Variants in FGD6 observed in about 807,000 individuals in gnomAD.
FGD6 encodes the protein FYVE, RhoGEF and PH domain-containing protein 6.
A neutral mutation model predicts 149.4 loss-of-function variants in FGD6; 90 were observed. The observed-to-expected ratio is 0.60, with a 90% CI of 0.51 to 0.72. The LOEUF is 0.72. Among genes scored for constraint, FGD6 ranks in the 30% least tolerant of loss-of-function variants. The probability of loss-of-function intolerance (pLI) is 0.00; values close to 1 mark genes in which losing one functional copy is unlikely to be tolerated. For missense variants in FGD6, 1,437 were observed against 1,684.8 expected, an observed-to-expected ratio of 0.85 and a Z score of 2.57; for synonymous variants, 527 against 584.0, an observed-to-expected ratio of 0.90 and a Z score of 1.41.
At chr12:95,199,632 T>G (rs1881818983) in intron 2 of FGD6, among the ~76,000 whole-genome samples, 1 of 150,922 alleles carries the variant, frequency 6.6e-6, no homozygotes, top group Non-Finnish European at 1.5e-5. Flanking sequence ...TTTTTTTTTT[T>G]GAGATGGAGT....
intron 2 of FGD6, among the ~76,000 whole-genome samples, chr12:95,197,878 C>A (rs765743117): frequency 6.6e-6 from 1 of 152,156 alleles, no homozygotes; most frequent in Non-Finnish European, 1.5e-5. Context: ...CACCACCTAC[C>A]GGACTAAATG....
At chr12:95,124,496 T>A (rs1879282482) in intron 8 of FGD6, among the ~76,000 whole-genome samples, 1 of 152,206 alleles carries the variant, frequency 6.6e-6, no homozygotes, top group Non-Finnish European at 1.5e-5. Context: ...CAGGTCCTGA[T>A]GAGAGCCCAT....
chr12:95,114,488 ACAC>A (rs1421445309), intron 8 of FGD6, among the ~76,000 whole-genome samples: 1 of 92,724 alleles, frequency 1.1e-5, no homozygotes, highest in Admixed American at 1.2e-4. Flanking sequence ...ACACACACAC[ACAC>A]ACGTCAGACG....
chr12:95,163,754 CTATA>C (rs1880714092), intron 3 of FGD6, among the ~76,000 whole-genome samples: 1 of 152,234 alleles, frequency 6.6e-6, no homozygotes, highest in African/African-American at 2.4e-5. Context: ...TTCTAGGAGT[CTATA>C]TATTCCATTG....
intron 14 of FGD6, among the ~76,000 whole-genome samples, chr12:95,096,477 T>A (rs1248714655): frequency 6.6e-6 from 1 of 152,174 alleles, no homozygotes; most frequent in African/African-American, 2.4e-5. Context: ...AATAATCTCT[T>A]TCTCTCTAAA....
chr12:95,134,380 A>G (rs1013941344), intron 8 of FGD6, among the ~76,000 whole-genome samples: 6 of 152,126 alleles, frequency 3.9e-5, no homozygotes, highest in African/African-American at 7.2e-5. Flanking sequence ...GTGACCCTCT[A>G]AACTCCACTC....
intron 3 of FGD6, among the ~76,000 whole-genome samples, chr12:95,156,931 G>A (rs963174382): frequency 3.9e-5 from 6 of 152,020 alleles, no homozygotes; most frequent in African/African-American, 1.2e-4. Context: ...AAAGAACCCA[G>A]ATTTCCCAAT....
At chr12:95,087,316 C>G (rs1397377185) in intron 18 of FGD6, among the ~76,000 whole-genome samples, 2 of 152,136 alleles carry the variant, frequency 1.3e-5, no homozygotes, top group Non-Finnish European at 2.9e-5. Context: ...TGGACAGGAC[C>G]TACGACTTGC....
At chr12:95,154,588 T>C (rs1040747386) in intron 3 of FGD6, among the ~76,000 whole-genome samples, 4 of 152,182 alleles carry the variant, frequency 2.6e-5, no homozygotes, top group Non-Finnish European at 4.4e-5. Context: ...AAATGATGAC[T>C]GCTGACATTA....
In FGD6 at chr12:95,211,242, G is replaced by T; in HGVS notation, c.42C>A (p.Pro14=). The change falls in exon 2 of 21, where the codon CCC becomes CCA. Residue 14 remains proline (P), a synonymous_variant. Transcript: ENST00000343958. The part of the protein sequence containing the change: ...AAEIKKPPVA[P]KPKFVVANNK... ...TATTTGCCACAACAAACTTGGGCTT[G>T]GGGGCCACTGGTGGCTTCTTTATCT... is the stretch of plus-strand genomic sequence containing the variant. 6.3e-7 allele frequency: 1 copy of T among 1,588,614 alleles called. No individual in the cohort carries two copies. The highest frequency in any genetic ancestry group is 1.2e-5 in the South Asian group (1 of 86,758).
rs117725920 is a variant in FGD6 at position 95,104,408 on chromosome 12, G to A, written c.3497+599C>T. ...GAGCTCAGGAGTTCAAGATCAGCCT[G>A]GGGAACATATGGAGACCCCATCTCT... On this transcript the variant is annotated intron_variant, in intron 14 of 20. Transcript: ENST00000343958. Among the ~76,000 whole-genome samples the A allele has an allele frequency of 1.2e-4, 18 of 152,162 alleles. No homozygotes were observed. In the East Asian group the frequency reaches 3.5e-3, roughly 29 times the overall value.
chr12:95,104,523 G>A (rs1178199892), intron 14 of FGD6, among the ~76,000 whole-genome samples: 4 of 151,794 alleles, frequency 2.6e-5, no homozygotes, highest in Non-Finnish European at 4.4e-5. Flanking sequence ...TGCAACCTCC[G>A]CCTCCTGGGT....
Position 95,129,069 on chromosome 12 carries a change from T to C in FGD6, c.3082+5670A>G, listed in dbSNP as rs78473356. Among the ~76,000 whole-genome samples the C allele has an allele frequency of 8.2e-4, 125 of 152,066 alleles. 1 individual carries two copies. In the East Asian group the frequency reaches 0.022, roughly 26 times the overall value. On this transcript the variant is annotated intron_variant, in intron 8 of 20. Coordinates refer to ENST00000343958, the MANE Select transcript of FGD6 (RefSeq NM_018351.4). ...AGGTAGCATGACCACCAGCAAGATA[T>C]TGCTATAAAATGGCGTGAGTTTAGA...
At chr12:95,161,777 C>T (rs7302366) in intron 3 of FGD6, among the ~76,000 whole-genome samples, 2,892 of 151,492 alleles carry the variant, frequency 0.019, 92 homozygotes, top group African/African-American at 0.067. Context: ...AAGTTAGTAA[C>T]TGACTTTCTG....
Position 95,204,504 on chromosome 12 carries a change from C to G in FGD6, c.2441+4339G>C, listed in dbSNP as rs1175841298. ...CCCAGCCACTACCCTACCCTTCCCC[C>G]TTATCACTCCTGACGACTTTCAGTC... is the stretch of plus-strand genomic sequence containing the variant. On this transcript the variant is annotated intron_variant, in intron 2 of 20. Coordinates refer to ENST00000343958, the MANE Select transcript of FGD6 (RefSeq NM_018351.4). Among the ~76,000 whole-genome samples, 4 of 152,202 alleles carry G rather than the reference C, an allele frequency of 2.6e-5. 1 individual carries two copies. The highest frequency in any genetic ancestry group is 9.7e-5 in the African/African-American group (4 of 41,446).
At chr12:95,114,703 A>G (rs1878954662) in intron 8 of FGD6, among the ~76,000 whole-genome samples, 1 of 152,162 alleles carries the variant, frequency 6.6e-6, no homozygotes, top group Non-Finnish European at 1.5e-5. Context: ...ACACCAAGGT[A>G]AGTCATGGAA....
chr12:95,087,532 C>G (rs1877919979), intron 18 of FGD6, among the ~76,000 whole-genome samples: 1 of 152,172 alleles, frequency 6.6e-6, no homozygotes, highest in Non-Finnish European at 1.5e-5. Context: ...CCCAGTCTTG[C>G]AAGTACAAGG....
At chr12:95,213,583 T>C (rs1255434302) in intron 1 of FGD6, among the ~76,000 whole-genome samples, 1 of 152,188 alleles carries the variant, frequency 6.6e-6, no homozygotes, top group Non-Finnish European at 1.5e-5. Context: ...CTCATCAAAT[T>C]AATCTTTTAC....
intron 17 of FGD6, 51 bp from the exon 18 acceptor site, chr12:95,089,747 T>C (rs1189639925): frequency 6.3e-7 from 1 of 1,598,384 alleles, no homozygotes; most frequent in Non-Finnish European, 8.5e-7. Flanking sequence ...ATTTTGCAAT[T>C]CAATTTCATT....
Sources: gnomAD v4.1 joint callset for allele counts (sites outside exome capture counted in the v4.1 genomes callset) on GRCh38, gnomAD v4.1.1 for gene constraint, MANE v1.5 for transcripts, NCBI Gene and HGNC (gene_info 2026-07-23, HGNC 2026-07-21) for gene names.